The following BRINP3 variants were observed in gnomAD, a reference collection of about 807,000 sequenced individuals.
BRINP3 encodes BMP/retinoic acid-inducible neural-specific protein 3.
BRINP3 carries 19 observed loss-of-function variants against 71.0 expected under a neutral mutation model. That is an observed-to-expected ratio of 0.27 (90% CI 0.19 to 0.39). The LOEUF (loss-of-function observed/expected upper bound fraction) is 0.39, where lower values mean the gene tolerates loss of function less well. BRINP3 is among the 10% of genes least tolerant of loss of function. The pLI is 1.00. For missense variants in BRINP3, 959 were observed against 940.8 expected, an observed-to-expected ratio of 1.02 and a Z score of -0.25; for synonymous variants, 380 against 337.7, an observed-to-expected ratio of 1.13 and a Z score of -1.37.
intron 7 of BRINP3, among the ~76,000 whole-genome samples, chr1:190,146,447 C>T (rs986722066): frequency 1.3e-5 from 2 of 152,084 alleles, no homozygotes; most frequent in East Asian, 3.9e-4. Context: ...ATTTTCCATA[C>T]TATTTCAATT....
chr1:190,108,554 G>C (rs1303802978), intron 7 of BRINP3, among the ~76,000 whole-genome samples: 1 of 150,266 alleles, frequency 6.7e-6, no homozygotes, highest in African/African-American at 2.5e-5. Flanking sequence ...TATGTTTACA[G>C]AAAATAAAAT....
intron 2 of BRINP3, among the ~76,000 whole-genome samples, chr1:190,415,496 C>G (rs1393525921): frequency 6.6e-6 from 1 of 151,968 alleles, no homozygotes; most frequent in Non-Finnish European, 1.5e-5. Flanking sequence ...ATTAAACAAA[C>G]ACATCAGGGA....
intron 2 of BRINP3, among the ~76,000 whole-genome samples, chr1:190,406,240 T>C (rs1672272379): frequency 6.6e-6 from 1 of 152,234 alleles, no homozygotes; most frequent in Non-Finnish European, 1.5e-5. Context: ...TTTGTGCTAC[T>C]AATTCTTAGA....
intron 2 of BRINP3, among the ~76,000 whole-genome samples, chr1:190,423,601 T>C (rs955584609): frequency 6.6e-6 from 1 of 151,834 alleles, no homozygotes; most frequent in Non-Finnish European, 1.5e-5. Context: ...TTTTGACTTA[T>C]ACTTTATACA....
chr1:190,285,208 C>A (rs1162321865), intron 2 of BRINP3, among the ~76,000 whole-genome samples: 1 of 152,118 alleles, frequency 6.6e-6, no homozygotes, highest in African/African-American at 2.4e-5. Flanking sequence ...TGGAGAACCA[C>A]ACTGTGAGTA....
At chr1:190,298,105 A>G (rs994780486) in intron 2 of BRINP3, among the ~76,000 whole-genome samples, 6 of 152,124 alleles carry the variant, frequency 3.9e-5, no homozygotes, top group Non-Finnish European at 7.4e-5. Context: ...ATGAGTTGTC[A>G]AATATAAGTG....
chr1:190,150,287 T>C (rs547943630), intron 7 of BRINP3, among the ~76,000 whole-genome samples: 39 of 152,106 alleles, frequency 2.6e-4, no homozygotes, highest in Non-Finnish European at 1.3e-4. Flanking sequence ...TGTGTGTGTG[T>C]GTACATACAT....
intron 2 of BRINP3, among the ~76,000 whole-genome samples, chr1:190,335,521 A>G (rs562764177): frequency 4.6e-5 from 7 of 151,956 alleles, no homozygotes; most frequent in African/African-American, 1.4e-4. Context: ...TAAAGAAAAC[A>G]TTGTTAAGTT....
chr1:190,253,073 C>T (rs1275402985), intron 4 of BRINP3, among the ~76,000 whole-genome samples: 2 of 152,050 alleles, frequency 1.3e-5, no homozygotes, highest in Admixed American at 1.3e-4. Flanking sequence ...TGATGGTTTC[C>T]AGCTGGATTC....
chr1:190,098,065 T>C lies in BRINP3; in HGVS notation c.2254A>G (p.Lys752Glu). 1 of 1,613,818 alleles carries C rather than the reference T, an allele frequency of 6.2e-7. No homozygotes were observed. The highest frequency in any genetic ancestry group is 8.5e-7 in the Non-Finnish European group (1 of 1,179,894). The change falls in exon 8 of 8, where the codon AAA becomes GAA. Residue 752 changes from lysine to glutamate, a missense_variant. Lys to Glu is a moderately conservative substitution (Grantham distance 56). Transcript: ENST00000367462. ...TCATAATCCATTGTGTTTGGCAATT[T>C]GGCATTAAACGCCTGCAGAGCAGAT... ...IQSALQAFNAKLPNTMDYDTT... is the reference protein window; with the variant it reads ...IQSALQAFNAELPNTMDYDTT...
chr1:190,238,717 T>G lies in BRINP3; in HGVS notation c.619-4240A>C, dbSNP rs564085959. The stretch of plus-strand genomic sequence containing the variant: ...TAACTCGTACAATCACTTTAGAAAA[T>G]TCTTTGAAAGTATCTACATAAGTAG... On this transcript the variant is annotated intron_variant, in intron 4 of 7. Coordinates refer to ENST00000367462, the MANE Select transcript of BRINP3 (RefSeq NM_199051.3). Among the ~76,000 whole-genome samples, 3 of 152,186 alleles carry G rather than the reference T, an allele frequency of 2.0e-5. No individual in the cohort carries two copies. The East Asian group carries it at 5.8e-4, about 29-fold the overall frequency.
In BRINP3 at chr1:190,427,189, G is replaced by A. The variant is rs539152910; in HGVS notation, c.236+27466C>T. Among the ~76,000 whole-genome samples, 7 of 151,850 alleles carry A rather than the reference G, an allele frequency of 4.6e-5. No individual in the cohort carries two copies. The South Asian group carries it at 6.2e-4, about 14-fold the overall frequency. Reference sequence around the variant, plus strand: ...AAAACTAGACATATTTATAAATAGCGTATGTAAAATTGTGTTCTCTACTAT... The same window carrying A: ...AAAACTAGACATATTTATAAATAGCATATGTAAAATTGTGTTCTCTACTAT... On this transcript the variant is annotated intron_variant, in intron 2 of 7. Transcript: ENST00000367462.
chr1:190,475,270 T>A (rs1677425006), intron 1 of BRINP3, among the ~76,000 whole-genome samples: 1 of 152,202 alleles, frequency 6.6e-6, no homozygotes, highest in Non-Finnish European at 1.5e-5. Flanking sequence ...TTACTAACGT[T>A]AAATATAGCT....
chr1:190,453,858 A>G (rs1160663454), intron 2 of BRINP3, among the ~76,000 whole-genome samples: 1 of 152,206 alleles, frequency 6.6e-6, no homozygotes, highest in Non-Finnish European at 1.5e-5. Context: ...TATAAATGTT[A>G]AACCATTAAC....
chr1:190,418,462 A>G (rs1029300674), intron 2 of BRINP3, among the ~76,000 whole-genome samples: 7 of 151,954 alleles, frequency 4.6e-5, no homozygotes, highest in Non-Finnish European at 1.0e-4. Context: ...ATATCTTACA[A>G]TTTTGCAATT....
chr1:190,328,151 T>C (rs896179409), intron 2 of BRINP3, among the ~76,000 whole-genome samples: 3 of 151,752 alleles, frequency 2.0e-5, no homozygotes, highest in Non-Finnish European at 4.4e-5. Context: ...CTAGGGGAAC[T>C]AGAAAAAGAA....
At position 190,264,950 on chromosome 1, in the gene BRINP3, T is replaced by C; in HGVS notation, c.533A>G (p.His178Arg). ...AATGAAATAAGAAGCGGCTAGCTGA[T>C]GTAGCGTCTCCAGAGTGACCGAAGA... is the stretch of plus-strand genomic sequence containing the variant. ...NSSSVTLETL[H>R]QLAASYFIDR... The change falls in exon 4 of 8, where the codon CAT (histidine) becomes CGT (arginine). Residue 178 changes from histidine (H) to arginine (R), a missense_variant. Coordinates refer to ENST00000367462, the MANE Select transcript of BRINP3 (RefSeq NM_199051.3). The C allele has an allele frequency of 6.2e-7, 1 of 1,613,658 alleles. No individual in the cohort carries two copies. Among genetic ancestry groups the C allele is most frequent in the Non-Finnish European group, 8.5e-7 (1 of 1,179,816 alleles).
At chr1:190,194,680 C>T (rs1654327344) in intron 6 of BRINP3, among the ~76,000 whole-genome samples, 3 of 151,952 alleles carry the variant, frequency 2.0e-5, no homozygotes, top group African/African-American at 7.3e-5. Context: ...TTGGGATAAG[C>T]CACTTGAGCA....
intron 7 of BRINP3, among the ~76,000 whole-genome samples, chr1:190,156,464 A>G (rs1571862750): frequency 6.6e-6 from 1 of 152,080 alleles, no homozygotes; most frequent in African/African-American, 2.4e-5. Flanking sequence ...CAAATACCCA[A>G]TGTTCAGTTT....
Sources: allele counts gnomAD v4.1 joint callset (sites outside exome capture counted in the v4.1 genomes callset), GRCh38; gene constraint gnomAD v4.1.1; transcripts MANE v1.5; gene names NCBI Gene and HGNC (gene_info 2026-07-23, HGNC 2026-07-21).